RYR3: variants seen among roughly 807,000 people sequenced by gnomAD.
The protein encoded by RYR3 is brain ryanodine receptor-calcium release channel.
A neutral mutation model predicts 584.3 loss-of-function variants in RYR3; 207 were observed. That is an observed-to-expected ratio of 0.35 (90% CI 0.32 to 0.40). The LOEUF (loss-of-function observed/expected upper bound fraction) is 0.40. RYR3 is among the 10% of genes least tolerant of loss of function. The pLI, the probability that RYR3 is intolerant of heterozygous loss-of-function variation, is 1.00. For missense variants in RYR3, 5,616 were observed against 6,089.2 expected, an observed-to-expected ratio of 0.92 and a Z score of 2.59; for synonymous variants, 2,416 against 2,248.5, an observed-to-expected ratio of 1.07 and a Z score of -2.11.
chr15:33,450,568 C>T (rs1431154360), intron 1 of RYR3, among the ~76,000 whole-genome samples: 2 of 151,694 alleles, frequency 1.3e-5, no homozygotes, highest in East Asian at 3.9e-4. Context: ...TCCTTGAGCT[C>T]CTTGCACCCT....
chr15:33,645,402 A>G (rs760247288), intron 28 of RYR3, among the ~76,000 whole-genome samples: 12 of 152,122 alleles, frequency 7.9e-5, no homozygotes, highest in Non-Finnish European at 2.9e-5. Context: ...GTTTGCTTCA[A>G]CCTCACTGTA....
At chr15:33,804,793 C>G (rs1401455185) in intron 69 of RYR3, among the ~76,000 whole-genome samples, 4 of 152,180 alleles carry the variant, frequency 2.6e-5, no homozygotes, top group Admixed American at 6.5e-5. Flanking sequence ...GAACAGTGAC[C>G]TGTACTTGCT....
At chr15:33,485,052 C>T (rs773147487) in intron 2 of RYR3, among the ~76,000 whole-genome samples, 8 of 151,928 alleles carry the variant, frequency 5.3e-5, no homozygotes, top group African/African-American at 1.7e-4. Flanking sequence ...GAGAAATAAA[C>T]GATAAGAAGG....
intron 8 of RYR3, among the ~76,000 whole-genome samples, chr15:33,544,982 T>G (rs1180710517): frequency 6.6e-6 from 1 of 152,180 alleles, no homozygotes; most frequent in African/African-American, 2.4e-5. Flanking sequence ...ATATTGAAAC[T>G]ATACAATAGC....
intron 90 of RYR3, 81 bp downstream of exon 90, chr15:33,840,964 T>C: frequency 1.5e-6 from 2 of 1,292,874 alleles, no homozygotes; most frequent in East Asian, 2.4e-5. Context: ...GCACCTGTAA[T>C]CCCAGCACTT....
At chr15:33,789,622 TTTTATATATATATATATATA>T (rs1253080491) in intron 67 of RYR3, among the ~76,000 whole-genome samples, 19 of 32,386 alleles carry the variant, frequency 5.9e-4, no homozygotes, top group East Asian at 2.3e-3. Flanking sequence ...CCAGGTTTTA[TTTTATATATATATATATATA>T]TATATATATA....
At chr15:33,383,915 G>GA (rs2041384495) in intron 1 of RYR3, among the ~76,000 whole-genome samples, 1 of 152,166 alleles carries the variant, frequency 6.6e-6, no homozygotes, top group Non-Finnish European at 1.5e-5. Context: ...ATACACCATG[G>GA]AATGCTATGC....
At chr15:33,802,077 G>A (rs2075948455) in intron 69 of RYR3, 116 bp downstream of exon 69, 5 of 786,568 alleles carry the variant, frequency 6.4e-6, no homozygotes, top group Non-Finnish European at 7.0e-6. Flanking sequence ...CAAACTACAT[G>A]ACCAACAGTC....
At chr15:33,381,500 C>T (rs923166860) in intron 1 of RYR3, among the ~76,000 whole-genome samples, 1 of 152,202 alleles carries the variant, frequency 6.6e-6, no homozygotes, top group African/African-American at 2.4e-5. Flanking sequence ...CCTCCACTAT[C>T]CTCTGCTGCC....
intron 85 of RYR3, among the ~76,000 whole-genome samples, chr15:33,829,259 CT>C (rs942998959): frequency 8.5e-5 from 13 of 152,250 alleles, no homozygotes; most frequent in Non-Finnish European, 1.6e-4. Flanking sequence ...GGAAATGAAT[CT>C]TTTTTTCATG....
chr15:33,631,773 C>A (rs1301750811), intron 23 of RYR3, among the ~76,000 whole-genome samples: 3 of 152,222 alleles, frequency 2.0e-5, no homozygotes, highest in African/African-American at 7.2e-5. Flanking sequence ...CTTGTCCTTG[C>A]ACATTCAAAT....
At chr15:33,463,201 C>A (rs1330606736) in intron 1 of RYR3, among the ~76,000 whole-genome samples, 3 of 151,864 alleles carry the variant, frequency 2.0e-5, no homozygotes, top group Non-Finnish European at 4.4e-5. Flanking sequence ...AATGTTAGAA[C>A]CAGAGACCAA....
rs1288223501 is a variant in RYR3, at chr15:33,646,435, G to A, written c.3850G>A (p.Asp1284Asn). 8.1e-6 allele frequency: 13 copies of A among 1,613,816 alleles called. No homozygotes were observed. The highest frequency in any genetic ancestry group is 1.3e-5 in the African/African-American group (1 of 74,918). ...KTFGTQNSNADMIYCRLSMPV... is the reference protein window; with the variant it reads ...KTFGTQNSNANMIYCRLSMPV... Reference sequence around the variant, plus strand: ...ATTTGGCACACAGAATAGCAATGCCGACATGATCTATTGCCGCTTGAGCAT... The same window carrying A: ...ATTTGGCACACAGAATAGCAATGCCAACATGATCTATTGCCGCTTGAGCAT... The change falls in exon 29 of 104, where the codon GAC (aspartate) becomes AAC (asparagine). Residue 1284 changes from aspartate (D) to asparagine (N), a missense_variant. Around this residue, in one of 9 missense-constraint regions of RYR3, gnomAD observed 753 missense variants for 741.0 expected, o/e 1.02. Transcript: ENST00000634891.
At chr15:33,659,953 A>G in intron 33 of RYR3, 147 bp downstream of exon 33, 2 of 657,054 alleles carry the variant, frequency 3.0e-6, no homozygotes, top group Non-Finnish European at 5.3e-6. Flanking sequence ...TTCCTGTGGC[A>G]TTCAGATGGT....
Position 33,603,362 on chromosome 15 carries a change from C to A in RYR3, c.2162C>A (p.Ser721Ter). 1 of 1,560,534 alleles carries A rather than the reference C, an allele frequency of 6.4e-7. No individual in the cohort carries two copies. The highest frequency in any genetic ancestry group is 1.2e-5 in the South Asian group (1 of 83,198). ...GGCTTTGATGGACTTCACCTTTGGT[C>A]AGGTGAGTACCTTGCTAAAGCTTTG... ...SYGFDGLHLW[S>*]GRIPRAVASI... Residue 721 changes from serine (S) to a stop codon, truncating the protein, a stop_gained and splice_region_variant, in exon 18 of 104, where the codon TCA becomes TAA. Coordinates refer to ENST00000634891, the MANE Select transcript of RYR3 (RefSeq NM_001036.6). LOFTEE classifies it high-confidence loss of function.
intron 38 of RYR3, among the ~76,000 whole-genome samples, chr15:33,671,588 C>G (rs957252584): frequency 6.6e-6 from 1 of 152,054 alleles, no homozygotes; most frequent in Non-Finnish European, 1.5e-5. Context: ...GCAATGGCAA[C>G]CCTTGATAGG....
chr15:33,743,971 C>T (rs1164638597), intron 52 of RYR3, among the ~76,000 whole-genome samples: 4 of 152,238 alleles, frequency 2.6e-5, no homozygotes, highest in East Asian at 1.9e-4. Flanking sequence ...CTGGTAGGCA[C>T]TGCCTGATCT....
At chr15:33,491,302 AATAG>A (rs2050943457) in intron 2 of RYR3, among the ~76,000 whole-genome samples, 1 of 152,242 alleles carries the variant, frequency 6.6e-6, no homozygotes, top group African/African-American at 2.4e-5. Flanking sequence ...TTGCTATAGT[AATAG>A]ATAGACTTGC....
chr15:33,435,336 TGTG>T (rs111579549), intron 1 of RYR3, among the ~76,000 whole-genome samples: 11,723 of 152,224 alleles, frequency 0.077, 943 homozygotes, highest in African/African-American at 0.21. Flanking sequence ...TTGTTAATGT[TGTG>T]AGTTTCACGT....
Sources: allele counts gnomAD v4.1 joint callset (sites outside exome capture counted in the v4.1 genomes callset), GRCh38; gene constraint gnomAD v4.1.1; regional missense constraint gnomAD v4.1.1; transcripts MANE v1.5; gene names NCBI Gene and HGNC (gene_info 2026-07-23, HGNC 2026-07-21).